The following METTL6 variants were observed in gnomAD, a reference collection of about 807,000 sequenced individuals.
The protein encoded by METTL6 is methyltransferase 6, tRNA N3-cytidine.
Under a neutral mutation model 26.4 loss-of-function variants are expected in METTL6, and 22 were observed. The ratio of observed to expected loss-of-function variants is 0.83; its 90% CI spans 0.59 to 1.19. The LOEUF (loss-of-function observed/expected upper bound fraction) is 1.19. Among genes scored for constraint, METTL6 ranks in the 50% most tolerant of loss-of-function variants. The pLI, the probability that METTL6 is intolerant of heterozygous loss-of-function variation, is 0.00. For synonymous variants in METTL6, 109 were observed against 116.2 expected, an observed-to-expected ratio of 0.94 and a Z score of 0.40; for missense variants, 304 against 324.8, an observed-to-expected ratio of 0.94 and a Z score of 0.49.
exon 7 of METTL6, chr3:15,381,988 A>G (rs1699091451): frequency 6.6e-6 from 1 of 151,918 alleles, no homozygotes; most frequent in African/African-American, 2.4e-5. Context: ...ACCTTAACTC[A>G]GCATCATTCT....
downstream of METTL6, among the ~76,000 whole-genome samples, chr3:15,406,730 G>A (rs1401511602): frequency 2.7e-5 from 4 of 147,210 alleles, no homozygotes; most frequent in African/African-American, 1.0e-4. Flanking sequence ...CACTGCAACC[G>A]CCACCTCCCA....
At chr3:15,415,466 A>C in intron 4 of METTL6, 1 of 1,557,968 alleles carries the variant, frequency 6.4e-7, no homozygotes, top group East Asian at 2.3e-5. Flanking sequence ...CAAACTGTGT[A>C]CTCTTGACCA....
intron 6 of METTL6, among the ~76,000 whole-genome samples, chr3:15,400,949 C>T (rs1186120455): frequency 2.0e-5 from 3 of 152,132 alleles, no homozygotes; most frequent in Non-Finnish European, 4.4e-5. Flanking sequence ...GCAGCCTCAA[C>T]CTACCCAGGC....
At chr3:15,418,459 C>T (rs1443593203) in intron 3 of METTL6, among the ~76,000 whole-genome samples, 1 of 151,962 alleles carries the variant, frequency 6.6e-6, no homozygotes, top group East Asian at 1.9e-4. Context: ...AGTCAGTGAA[C>T]TTGATGATAG....
intron 6 of METTL6, among the ~76,000 whole-genome samples, chr3:15,404,147 T>C (rs746876670): frequency 6.6e-6 from 1 of 152,160 alleles, no homozygotes; most frequent in Non-Finnish European, 1.5e-5. Flanking sequence ...AGCCTCATTC[T>C]ACTCAGCCCC....
At chr3:15,414,633 G>A (rs112379582) in intron 4 of METTL6, 89 of 285,116 alleles carry the variant, frequency 3.1e-4, no homozygotes, top group African/African-American at 1.5e-3. Flanking sequence ...GATTACAGGC[G>A]TGAGCCACCT....
At chr3:15,418,552 G>A (rs1287679355) in intron 3 of METTL6, among the ~76,000 whole-genome samples, 2 of 152,192 alleles carry the variant, frequency 1.3e-5, no homozygotes, top group African/African-American at 2.4e-5. Context: ...TCTAAGGGCT[G>A]TGGGGCAATA....
intron 5 of METTL6, 65 bp downstream of exon 5, chr3:15,413,956 T>A: frequency 6.2e-7 from 1 of 1,609,140 alleles, no homozygotes; most frequent in Non-Finnish European, 8.5e-7. Flanking sequence ...CTTGCAGTGA[T>A]AATGCAATCA....
chr3:15,415,674 G>A (rs1700173535), intron 4 of METTL6, 98 bp downstream of exon 4: 2 of 1,597,880 alleles, frequency 1.3e-6, no homozygotes, highest in South Asian at 1.1e-5. Context: ...AGAATGGAGA[G>A]ACTATGTGAA....
chr3:15,400,615 A>T (rs1204543735), intron 6 of METTL6, among the ~76,000 whole-genome samples: 1 of 152,214 alleles, frequency 6.6e-6, no homozygotes, highest in Non-Finnish European at 1.5e-5. Context: ...AATTGTCACA[A>T]GGATTTTAGT....
intron 6 of METTL6, among the ~76,000 whole-genome samples, chr3:15,390,336 G>C (rs1699310506): frequency 6.6e-6 from 1 of 152,104 alleles, no homozygotes; most frequent in East Asian, 1.9e-4. Flanking sequence ...GCTGAGGCAG[G>C]AGAATCGCTT....
At chr3:15,391,802 T>A (rs1344585326) in intron 6 of METTL6, among the ~76,000 whole-genome samples, 1 of 152,128 alleles carries the variant, frequency 6.6e-6, no homozygotes, top group Non-Finnish European at 1.5e-5. Flanking sequence ...TCCAGCTTCA[T>A]CTATGTCCCT....
intron 5 of METTL6, among the ~76,000 whole-genome samples, 156 bp from the exon 6 acceptor site, chr3:15,411,593 C>T (rs1292985841): frequency 6.6e-6 from 1 of 152,142 alleles, no homozygotes; most frequent in Non-Finnish European, 1.5e-5. Context: ...GGAACTAATA[C>T]ACTCCTTCTC....
At chr3:15,412,955 C>T (rs1700034565) in intron 5 of METTL6, among the ~76,000 whole-genome samples, 1 of 152,042 alleles carries the variant, frequency 6.6e-6, no homozygotes, top group Admixed American at 6.6e-5. Flanking sequence ...TTTTTAAATA[C>T]CTCTTTAGGC....
Position 15,426,329 on chromosome 3 carries a change from G to A in METTL6, c.183C>T (p.His61=). 1 of 1,614,186 alleles carries A rather than the reference G, an allele frequency of 6.2e-7. No homozygotes were observed. Among genetic ancestry groups the A allele is most frequent in the Non-Finnish European group, 8.5e-7 (1 of 1,180,030 alleles). ...RNSTNFFKDR[H]WTTREFEELR... ...GCTCCTCAAACTCTCTGGTGGTCCA[G>A]TGTCTGTCTTTGAAGAAATTAGTGC... Residue 61 remains histidine, a synonymous_variant, in exon 2 of 6, where the codon CAC becomes CAT. Coordinates refer to ENST00000383790, the MANE Select transcript of METTL6 (RefSeq NM_152396.4).
intron 6 of METTL6, among the ~76,000 whole-genome samples, chr3:15,399,837 C>T (rs548936575): frequency 1.1e-4 from 17 of 151,890 alleles, no homozygotes; most frequent in Middle Eastern, 3.4e-3. Context: ...CTGTGGAAGA[C>T]GAGAATTAAT....
intron 5 of METTL6, chr3:15,413,781 C>G: frequency 6.9e-7 from 1 of 1,450,660 alleles, no homozygotes; most frequent in Non-Finnish European, 9.1e-7. Flanking sequence ...CAGAGGCTGT[C>G]CATTAACCCA....
chr3:15,409,370 G>A (rs115562732), downstream of METTL6, among the ~76,000 whole-genome samples: 942 of 152,276 alleles, frequency 6.2e-3, 10 homozygotes, highest in Middle Eastern at 0.01. Context: ...GGCTCAACTC[G>A]TGAGCAGAAC....
chr3:15,395,514 G>T (rs371502886), intron 6 of METTL6, among the ~76,000 whole-genome samples: 11 of 151,642 alleles, frequency 7.3e-5, no homozygotes, highest in South Asian at 2.1e-4. Context: ...AGGTTAATAT[G>T]GTTATGTGTG....
Sources: allele counts gnomAD v4.1 joint callset (sites outside exome capture counted in the v4.1 genomes callset), GRCh38; gene constraint gnomAD v4.1.1; transcripts MANE v1.5; gene names NCBI Gene and HGNC (gene_info 2026-07-23, HGNC 2026-07-21).